The following TMTC2 variants were observed in gnomAD, a reference collection of about 807,000 sequenced individuals.
The protein encoded by TMTC2 is protein O-mannosyl-transferase TMTC2.
TMTC2 carries 43 observed loss-of-function variants against 82.4 expected under a neutral mutation model. That is an observed-to-expected ratio of 0.52 (90% confidence interval 0.41 to 0.67). The LOEUF (loss-of-function observed/expected upper bound fraction) is 0.67. Among genes scored for constraint, TMTC2 ranks in the 30% least tolerant of loss-of-function variants. The pLI is 0.00. For synonymous variants in TMTC2, 408 were observed against 381.9 expected (o/e 1.07, Z -0.80); for missense variants, 919 against 1,012.4 (o/e 0.91, Z 1.25).
intron 2 of TMTC2, among the ~76,000 whole-genome samples, chr12:82,876,050 G>GGTGGTGGTGGTGGTA (rs1565788678): frequency 1.5e-5 from 2 of 133,500 alleles, no homozygotes; most frequent in African/African-American, 6.3e-5. Flanking sequence ...TGGTGGTGGT[G>GGTGGTGGTGGTGGTA]GTGGTGGTGG....
At chr12:82,982,095 G>T (rs2137330156) in intron 7 of TMTC2, among the ~76,000 whole-genome samples, 1 of 151,692 alleles carries the variant, frequency 6.6e-6, no homozygotes, top group South Asian at 2.1e-4. Context: ...GATAATAACA[G>T]TGTAGGGATA....
At chr12:83,071,647 T>G (rs946553347) in intron 11 of TMTC2, among the ~76,000 whole-genome samples, 2 of 152,306 alleles carry the variant, frequency 1.3e-5, no homozygotes, top group South Asian at 2.1e-4. Context: ...TGTTGTTGTT[T>G]TTGGTAATTT....
At chr12:82,991,392 C>T (rs548634508) in intron 8 of TMTC2, among the ~76,000 whole-genome samples, 12 of 152,210 alleles carry the variant, frequency 7.9e-5, no homozygotes, top group African/African-American at 2.6e-4. Flanking sequence ...TAGAAACTAT[C>T]TTTGGATACT....
chr12:82,993,048 G>A (rs1312132991), intron 8 of TMTC2, among the ~76,000 whole-genome samples: 1 of 151,948 alleles, frequency 6.6e-6, no homozygotes, highest in African/African-American at 2.4e-5. Context: ...GCAGTGGCAC[G>A]ATTTCGGCTC....
chr12:82,781,469 T>G (rs1427603573), intron 1 of TMTC2, among the ~76,000 whole-genome samples: 1 of 150,590 alleles, frequency 6.6e-6, no homozygotes, highest in Non-Finnish European at 1.5e-5. Flanking sequence ...AGATTTCCTC[T>G]TTGTGGTGGA....
chr12:82,905,900 G>A (rs150468102), intron 3 of TMTC2, among the ~76,000 whole-genome samples: 3,496 of 151,008 alleles, frequency 0.023, 136 homozygotes, highest in African/African-American at 0.08. Context: ...AGCCGAGATC[G>A]CGTCATTGCA....
At chr12:83,004,011 T>C (rs1406613838) in intron 8 of TMTC2, among the ~76,000 whole-genome samples, 1 of 152,186 alleles carries the variant, frequency 6.6e-6, no homozygotes, top group African/African-American at 2.4e-5. Flanking sequence ...TGCCAGTGAA[T>C]TGCAGTTTTG....
At position 82,808,389 on chromosome 12, in the gene TMTC2, C is replaced by G. The variant is rs186669341; in HGVS notation, c.84-48621C>G. 2.8e-3 allele frequency among the ~76,000 whole-genome samples: 429 copies of G among 152,060 alleles called. 3 individuals are homozygous for G. Among genetic ancestry groups the G allele is most frequent in the Non-Finnish European group, 4.7e-3 (316 of 67,924 alleles). The stretch of plus-strand genomic sequence containing the variant: ...ATATAAGAAGGTGGTGTGTTAACTA[C>G]AATAAAATAACTTTTATTGATATAG... On this transcript the variant is annotated intron_variant, in intron 1 of 11. Coordinates refer to ENST00000321196, the MANE Select transcript of TMTC2 (RefSeq NM_152588.3).
At chr12:83,079,453 T>C (rs1883391573) in intron 11 of TMTC2, among the ~76,000 whole-genome samples, 1 of 152,166 alleles carries the variant, frequency 6.6e-6, no homozygotes, top group Non-Finnish European at 1.5e-5. Context: ...CAATGGCTGC[T>C]TTCCCTTTTT....
intron 8 of TMTC2, among the ~76,000 whole-genome samples, chr12:82,993,652 T>C (rs1207634065): frequency 6.6e-6 from 1 of 152,218 alleles, no homozygotes; most frequent in Non-Finnish European, 1.5e-5. Flanking sequence ...AAAAGTTATA[T>C]GTACATTTTC....
At position 82,965,576 on chromosome 12, in the gene TMTC2, C is replaced by A; in HGVS notation, c.1701C>A (p.Thr567=). ...CCCCCTCAGCTGCATATTTAAATAC[C>A]GGTATTATTCTAATGAACCAAGGAA... The part of the protein sequence containing the change: ...RPTLASAYLN[T]GIILMNQGRT... Residue 567 remains threonine (T), a synonymous_variant, in exon 6 of 12, where the codon ACC becomes ACA. Transcript: ENST00000321196. 2.5e-6 allele frequency: 4 copies of A among 1,613,450 alleles called. No individual in the cohort carries two copies. Among genetic ancestry groups the A allele is most frequent in the Non-Finnish European group, 2.5e-6 (3 of 1,179,600 alleles).
intron 7 of TMTC2, among the ~76,000 whole-genome samples, chr12:82,967,967 G>GA (rs1163174291): frequency 2.0e-5 from 3 of 151,916 alleles, no homozygotes; most frequent in African/African-American, 2.4e-5. Context: ...CTTGAGCACA[G>GA]AAAAAAATCC....
chr12:82,709,782 A>G (rs1873539372), intron 1 of TMTC2, among the ~76,000 whole-genome samples: 1 of 152,210 alleles, frequency 6.6e-6, no homozygotes, highest in Non-Finnish European at 1.5e-5. Flanking sequence ...GAGTTTGGGG[A>G]AAGTTCAATC....
chr12:83,035,066 G>A (rs1881605941), intron 9 of TMTC2, among the ~76,000 whole-genome samples: 1 of 152,176 alleles, frequency 6.6e-6, no homozygotes, highest in South Asian at 2.1e-4. Context: ...GCCAGAGTGA[G>A]TGAGTTTTGT....
intron 1 of TMTC2, among the ~76,000 whole-genome samples, chr12:82,768,365 G>T (rs1877094448): frequency 1.3e-5 from 2 of 152,188 alleles, no homozygotes; most frequent in South Asian, 4.1e-4. Context: ...GCATTTGACA[G>T]AAAGAAAAGG....
At chr12:82,864,793 G>A (rs565838236) in intron 2 of TMTC2, among the ~76,000 whole-genome samples, 55 of 151,282 alleles carry the variant, frequency 3.6e-4, no homozygotes, top group African/African-American at 4.6e-4. Context: ...GAGCCACCGC[G>A]CCCGGCCTAC....
At chr12:82,849,696 T>C (rs1870872224) in intron 1 of TMTC2, among the ~76,000 whole-genome samples, 4 of 152,090 alleles carry the variant, frequency 2.6e-5, no homozygotes, top group Admixed American at 2.0e-4. Context: ...TGCCATACTA[T>C]TTAATACACT....
At position 83,132,730 on chromosome 12, in the gene TMTC2, G is replaced by A. The variant is rs760322433; in HGVS notation, c.*341G>A. 1 of 248,986 alleles carries A rather than the reference G, an allele frequency of 4.0e-6. No homozygotes were observed. Among genetic ancestry groups the A allele is most frequent in the East Asian group, 1.4e-4 (1 of 7,092 alleles). 15.4% of individuals were successfully genotyped at this position (248,986 alleles called of 1,614,324 possible). A position where few individuals can be genotyped will look rare whatever the true frequency, so the allele number is the denominator to read the frequency against. ...TTCTGAAAGCTAATTTCAAAATTAT[G>A]TTGTTCCTTAAACACTGTGAGAGGA... On this transcript the variant is annotated 3_prime_UTR_variant, in exon 12 of 12. Coordinates refer to ENST00000321196, the MANE Select transcript of TMTC2 (RefSeq NM_152588.3).
chr12:82,912,125 G>A (rs1339448166), intron 3 of TMTC2, among the ~76,000 whole-genome samples: 1 of 152,138 alleles, frequency 6.6e-6, no homozygotes, highest in East Asian at 1.9e-4. Context: ...TAAAATATCA[G>A]CATTAATATC....
Sources: allele counts gnomAD v4.1 joint callset (sites outside exome capture counted in the v4.1 genomes callset), GRCh38; gene constraint gnomAD v4.1.1; transcripts MANE v1.5; gene names NCBI Gene and HGNC (gene_info 2026-07-23, HGNC 2026-07-21).